Variants in BTBD10 observed in about 807,000 individuals in gnomAD.
BTBD10 encodes the protein BTB domain containing 10.
A neutral mutation model predicts 53.2 loss-of-function variants in BTBD10; 21 were observed. The observed-to-expected ratio is 0.39, with a 90% CI of 0.28 to 0.57. BTBD10 has a LOEUF of 0.57. BTBD10 is among the 20% of genes least tolerant of loss of function. BTBD10 has a pLI of 0.53. For missense variants in BTBD10, 360 were observed against 594.7 expected, an observed-to-expected ratio of 0.61 and a Z score of 4.10; for synonymous variants, 149 against 192.7, an observed-to-expected ratio of 0.77 and a Z score of 1.88.
chr11:13,392,893 A>C (rs1949444736), intron 8 of BTBD10, among the ~76,000 whole-genome samples: 1 of 152,220 alleles, frequency 6.6e-6, no homozygotes, highest in African/African-American at 2.4e-5. Flanking sequence ...AGAGCTTTCT[A>C]CTGAGTTCAG....
chr11:13,461,505 A>G (rs1951095816), intron 1 of BTBD10, among the ~76,000 whole-genome samples: 2 of 152,156 alleles, frequency 1.3e-5, no homozygotes. Context: ...AAGGTGCACA[A>G]TATTTTCCAT....
intron 2 of BTBD10, among the ~76,000 whole-genome samples, chr11:13,433,979 T>C (rs1182263588): frequency 6.6e-6 from 1 of 152,194 alleles, no homozygotes; most frequent in East Asian, 1.9e-4. Context: ...TGCTTAATTA[T>C]GGAAAAGGGA....
At chr11:13,414,586 G>C (rs991402946) in intron 5 of BTBD10, among the ~76,000 whole-genome samples, 2 of 151,800 alleles carry the variant, frequency 1.3e-5, no homozygotes, top group East Asian at 3.9e-4. Context: ...CCTGGGAGGC[G>C]GAGCTTGCAG....
intron 2 of BTBD10, among the ~76,000 whole-genome samples, chr11:13,436,285 A>G (rs1402027873): frequency 6.6e-6 from 1 of 152,132 alleles, no homozygotes; most frequent in Non-Finnish European, 1.5e-5. Context: ...GGGCCAGGTA[A>G]TTCTTTGTTG....
intron 1 of BTBD10, among the ~76,000 whole-genome samples, chr11:13,456,628 G>T (rs919783610): frequency 6.6e-6 from 1 of 152,118 alleles, no homozygotes; most frequent in Admixed American, 6.5e-5. Context: ...TAATTTCATA[G>T]TATATAAAGA....
At chr11:13,420,229 A>C (rs1203010358) in intron 3 of BTBD10, among the ~76,000 whole-genome samples, 1 of 152,156 alleles carries the variant, frequency 6.6e-6, no homozygotes, top group East Asian at 1.9e-4. Context: ...TAATAAGGGC[A>C]TTCTAAAACC....
intron 4 of BTBD10, among the ~76,000 whole-genome samples, chr11:13,418,056 T>G (rs1292647633): frequency 6.6e-6 from 1 of 152,124 alleles, no homozygotes; most frequent in Non-Finnish European, 1.5e-5. Context: ...TAAAGAAAGG[T>G]GAACCTCTAG....
At position 13,403,260 on chromosome 11, in the gene BTBD10, A is replaced by G; in HGVS notation, c.1025T>C (p.Leu342Ser). 1 of 1,505,996 alleles carries G rather than the reference A, an allele frequency of 6.6e-7. No homozygotes were observed. Among genetic ancestry groups the G allele is most frequent in the South Asian group, 1.3e-5 (1 of 75,654 alleles). 93.3% of individuals were successfully genotyped at this position (1,505,996 alleles called of 1,614,324 possible). ...EYSQIIYSTKLYRFFKYIENR... is the reference protein window; with the variant it reads ...EYSQIIYSTKSYRFFKYIENR... ...TTCAATATACTTGAAAAATCTATATAATTTTGTGCTATAAATAACTAGAAA... is the reference window on the plus strand; with the variant it reads ...TTCAATATACTTGAAAAATCTATATGATTTTGTGCTATAAATAACTAGAAA... The change falls in exon 8 of 9, where the codon TTA (leucine) becomes TCA (serine). Residue 342 changes from leucine (L) to serine (S), a missense_variant. Leu to Ser is a moderately radical substitution (Grantham distance 145). Coordinates refer to ENST00000278174, the MANE Select transcript of BTBD10 (RefSeq NM_032320.7).
intron 1 of BTBD10, among the ~76,000 whole-genome samples, chr11:13,448,546 T>C (rs542741031): frequency 8.7e-4 from 132 of 152,308 alleles, no homozygotes; most frequent in Admixed American, 1.4e-3. Flanking sequence ...GCTAAAAACT[T>C]TGAAGTCATC....
At chr11:13,406,895 AAGTTAT>A (rs1441037147) in intron 6 of BTBD10, among the ~76,000 whole-genome samples, 14 of 152,098 alleles carry the variant, frequency 9.2e-5, no homozygotes, top group Non-Finnish European at 1.5e-4. Context: ...TCATTTTAAA[AAGTTAT>A]CTTTATAGAC....
At chr11:13,452,031 A>G (rs1399343264) in intron 1 of BTBD10, among the ~76,000 whole-genome samples, 1 of 152,192 alleles carries the variant, frequency 6.6e-6, no homozygotes, top group Admixed American at 6.5e-5. Flanking sequence ...GGAACTTGGA[A>G]AACAGATCAA....
At chr11:13,424,592 G>T (rs1950301982) in intron 2 of BTBD10, among the ~76,000 whole-genome samples, 1 of 152,112 alleles carries the variant, frequency 6.6e-6, no homozygotes, top group Admixed American at 6.5e-5. Context: ...AAGTTCAGAG[G>T]GGAAAGCTCT....
At chr11:13,398,920 T>C (rs939483319) in intron 8 of BTBD10, among the ~76,000 whole-genome samples, 1 of 152,258 alleles carries the variant, frequency 6.6e-6, no homozygotes. Context: ...CAGCTGTTAG[T>C]CTGATGGGCT....
At chr11:13,428,862 T>C (rs765416204) in intron 2 of BTBD10, among the ~76,000 whole-genome samples, 1 of 152,120 alleles carries the variant, frequency 6.6e-6, no homozygotes, top group Non-Finnish European at 1.5e-5. Context: ...AACATGATCA[T>C]CTATTGTAGG....
chr11:13,397,166 G>A (rs2135745817), intron 8 of BTBD10, among the ~76,000 whole-genome samples: 1 of 152,280 alleles, frequency 6.6e-6, no homozygotes, highest in Admixed American at 6.5e-5. Context: ...GAATCCATCT[G>A]GTCATGGACT....
intron 1 of BTBD10, among the ~76,000 whole-genome samples, chr11:13,455,133 G>A (rs1950936513): frequency 6.6e-6 from 1 of 152,100 alleles, no homozygotes; most frequent in Non-Finnish European, 1.5e-5. Context: ...GGCTGGTCTC[G>A]AACTCCTGAC....
At position 13,413,233 on chromosome 11, in the gene BTBD10, G is replaced by A. The variant is rs112083229; in HGVS notation, c.808+297C>T. Among the ~76,000 whole-genome samples the A allele has an allele frequency of 9.6e-3, 1,458 of 152,156 alleles. 8 individuals carry two copies. Among genetic ancestry groups the A allele is most frequent in the Non-Finnish European group, 0.016 (1,068 of 67,990 alleles). ...ATGACCACACTTGACCAAAGCCAAG[G>A]ATCCAAATCTAGGAGATAAAACTGG... is the stretch of plus-strand genomic sequence containing the variant. On this transcript the variant is annotated intron_variant, in intron 6 of 8. Coordinates refer to ENST00000278174, the MANE Select transcript of BTBD10 (RefSeq NM_032320.7).
intron 8 of BTBD10, among the ~76,000 whole-genome samples, chr11:13,398,760 T>G (rs1458627757): frequency 6.6e-6 from 1 of 152,186 alleles, no homozygotes; most frequent in Non-Finnish European, 1.5e-5. Flanking sequence ...TCTCTCAGCA[T>G]TTGCTTGTCT....
intron 4 of BTBD10, among the ~76,000 whole-genome samples, chr11:13,417,912 G>C (rs1380245290): frequency 6.6e-5 from 10 of 152,070 alleles, no homozygotes; most frequent in Admixed American, 6.5e-4. Context: ...AAATACAAAT[G>C]ACTTTATGAT....
Sources: allele counts gnomAD v4.1 joint callset (sites outside exome capture counted in the v4.1 genomes callset), GRCh38; gene constraint gnomAD v4.1.1; transcripts MANE v1.5; gene names NCBI Gene and HGNC (gene_info 2026-07-23, HGNC 2026-07-21).